Variants in SMCHD1 observed in about 807,000 individuals in gnomAD.
SMCHD1 encodes structural maintenance of chromosomes flexible hinge domain-containing protein 1.
In SMCHD1, 78 loss-of-function variants were observed where a neutral mutation model predicts 254.7. The ratio of observed to expected loss-of-function variants is 0.31; its 90% CI spans 0.26 to 0.37. The LOEUF (loss-of-function observed/expected upper bound fraction) is 0.37, where lower values mean the gene tolerates loss of function less well. SMCHD1 is among the 10% of genes least tolerant of loss of function. The pLI, the probability that SMCHD1 is intolerant of heterozygous loss-of-function variation, is 1.00. For missense variants in SMCHD1, 1,840 were observed against 2,408.1 expected (o/e 0.76, Z 4.94); for synonymous variants, 766 against 794.9 (o/e 0.96, Z 0.61).
intron 4 of SMCHD1, 37 bp from the exon 5 acceptor site, chr18:2,673,978 A>T (rs767323166): frequency 6.5e-7 from 1 of 1,543,278 alleles, no homozygotes; most frequent in South Asian, 1.2e-5. Flanking sequence ...TATTGATTTG[A>T]CTTTTCCTGT....
intron 30 of SMCHD1, 93 bp from the exon 31 acceptor site, chr18:2,749,950 G>A: frequency 9.0e-7 from 1 of 1,105,902 alleles, no homozygotes. Context: ...TTTTAAAATA[G>A]GAATAGAGGG....
chr18:2,672,313 G>C (rs1048255378), intron 3 of SMCHD1, among the ~76,000 whole-genome samples: 1 of 152,036 alleles, frequency 6.6e-6, no homozygotes, highest in Non-Finnish European at 1.5e-5. Context: ...TGCAACCTCT[G>C]CCTCCCAGGT....
At chr18:2,729,695 A>C (rs886556013) in intron 24 of SMCHD1, among the ~76,000 whole-genome samples, 7 of 147,200 alleles carry the variant, frequency 4.8e-5, no homozygotes, top group African/African-American at 1.5e-4. Context: ...AAAATACATA[A>C]TTTTATTCTT....
chr18:2,785,560 G>A (rs983372704), intron 45 of SMCHD1, among the ~76,000 whole-genome samples: 1 of 140,874 alleles, frequency 7.1e-6, no homozygotes, highest in Non-Finnish European at 1.5e-5. Context: ...ACTGAGGTAG[G>A]AGAATCATTT....
chr18:2,792,822 G>A (rs1390853754), intron 45 of SMCHD1, among the ~76,000 whole-genome samples: 1 of 152,072 alleles, frequency 6.6e-6, no homozygotes, highest in East Asian at 1.9e-4. Context: ...CTGGCTTTCA[G>A]GGAAAGGGTG....
chr18:2,671,772 A>T (rs1204873566), intron 3 of SMCHD1, among the ~76,000 whole-genome samples: 1 of 150,470 alleles, frequency 6.6e-6, no homozygotes. Context: ...ATTTTTTTGT[A>T]TTTTTTTAGT....
At chr18:2,660,947 A>G (rs1220738480) in intron 1 of SMCHD1, among the ~76,000 whole-genome samples, 1 of 152,206 alleles carries the variant, frequency 6.6e-6, no homozygotes, top group African/African-American at 2.4e-5. Context: ...ATTGATGATC[A>G]ACTGGATAAA....
intron 10 of SMCHD1, among the ~76,000 whole-genome samples, chr18:2,700,140 G>C (rs1020692639): frequency 1.3e-4 from 20 of 152,200 alleles, no homozygotes; most frequent in Admixed American, 2.0e-4. Context: ...AGATGTCATA[G>C]ATTTCTCAGA....
chr18:2,776,401 T>TTA (rs34998787), intron 42 of SMCHD1, among the ~76,000 whole-genome samples: 1 of 151,632 alleles, frequency 6.6e-6, no homozygotes, highest in Non-Finnish European at 1.5e-5. Context: ...TTTTTTTTTT[T>TTA]AATTGCTATA....
intron 22 of SMCHD1, among the ~76,000 whole-genome samples, chr18:2,728,008 A>G (rs2075059156): frequency 6.6e-6 from 1 of 152,200 alleles, no homozygotes; most frequent in Non-Finnish European, 1.5e-5. Context: ...GTAGTGGGCA[A>G]TCTAACAAGT....
At chr18:2,793,074 C>T (rs966707056) in intron 45 of SMCHD1, among the ~76,000 whole-genome samples, 2 of 152,114 alleles carry the variant, frequency 1.3e-5, no homozygotes, top group Non-Finnish European at 2.9e-5. Context: ...TAAGTTTCTT[C>T]GAATTATGTG....
chr18:2,697,179 C>A, intron 9 of SMCHD1, 57 bp downstream of exon 9: 2 of 865,114 alleles, frequency 2.3e-6, no homozygotes, highest in Non-Finnish European at 3.5e-6. Context: ...GTTCCAGTTC[C>A]AAATGACTCA....
At chr18:2,800,932 A>G (rs1262500367) in intron 47 of SMCHD1, 2 of 152,216 alleles carry the variant, frequency 1.3e-5, no homozygotes, top group Non-Finnish European at 2.9e-5. Context: ...GACCTCTTTT[A>G]TAAAATTATA....
At chr18:2,769,011 C>T (rs1374729034) in intron 37 of SMCHD1, among the ~76,000 whole-genome samples, 2 of 151,998 alleles carry the variant, frequency 1.3e-5, no homozygotes, top group Non-Finnish European at 2.9e-5. Flanking sequence ...AAAAATACTA[C>T]TTCTCTGTAA....
intron 19 of SMCHD1, among the ~76,000 whole-genome samples, chr18:2,721,139 G>A (rs924890448): frequency 1.3e-5 from 2 of 152,106 alleles, no homozygotes; most frequent in African/African-American, 4.8e-5. Flanking sequence ...GAGACTTATG[G>A]GCGTCTGATA....
At chr18:2,785,378 A>T (rs2076222255) in intron 45 of SMCHD1, among the ~76,000 whole-genome samples, 1 of 152,056 alleles carries the variant, frequency 6.6e-6, no homozygotes, top group African/African-American at 2.4e-5. Context: ...GCCGGGCTCG[A>T]TGGCTCACGC....
intron 1 of SMCHD1, among the ~76,000 whole-genome samples, chr18:2,664,195 C>T (rs1262788986): frequency 1.3e-5 from 2 of 151,990 alleles, no homozygotes; most frequent in African/African-American, 4.8e-5. Flanking sequence ...GTCATTTCAC[C>T]CCATATACTT....
intron 12 of SMCHD1, 70 bp from the exon 13 acceptor site, chr18:2,703,622 A>C: frequency 7.8e-7 from 1 of 1,282,564 alleles, no homozygotes; most frequent in Non-Finnish European, 1.1e-6. Flanking sequence ...AATAAAATGA[A>C]TGACAAATGT....
At position 2,699,170 on chromosome 18, in the gene SMCHD1, C is replaced by G. The variant is rs184097851; in HGVS notation, c.1342+1129C>G. Among the ~76,000 whole-genome samples the G allele has an allele frequency of 2.1e-3, 314 of 152,270 alleles. 1 individual carries two copies. The highest frequency in any genetic ancestry group is 7.0e-3 in the African/African-American group (292 of 41,566). ...CACTTTCTGTTGGACAAACTACTCC[C>G]TGCCTTAGTTTCCTTACCTGGGAAA... is the stretch of plus-strand genomic sequence containing the variant. On this transcript the variant is annotated intron_variant, in intron 10 of 47. Transcript: ENST00000320876.
Sources: allele counts gnomAD v4.1 joint callset (sites outside exome capture counted in the v4.1 genomes callset), GRCh38; gene constraint gnomAD v4.1.1; transcripts MANE v1.5; gene names NCBI Gene and HGNC (gene_info 2026-07-23, HGNC 2026-07-21).